ZNF385B: variants seen among roughly 807,000 people sequenced by gnomAD.
ZNF385B encodes zinc finger protein 385B.
Under a neutral mutation model 39.2 loss-of-function variants are expected in ZNF385B, and 23 were observed. That is an observed-to-expected ratio of 0.59 (90% CI 0.42 to 0.83). The LOEUF (loss-of-function observed/expected upper bound fraction) is 0.83, where lower values mean the gene tolerates loss of function less well. ZNF385B is among the 40% of genes least tolerant of loss of function. The pLI is 0.00. For synonymous variants in ZNF385B, 205 were observed against 222.6 expected, an observed-to-expected ratio of 0.92 and a Z score of 0.70; for missense variants, 552 against 598.9, an observed-to-expected ratio of 0.92 and a Z score of 0.82.
chr2:179,516,083 G>A (rs926547257), intron 5 of ZNF385B, among the ~76,000 whole-genome samples: 2 of 148,946 alleles, frequency 1.3e-5, no homozygotes, highest in African/African-American at 4.9e-5. Flanking sequence ...CATCCACATT[G>A]TAGCATGTAT....
chr2:179,851,345 T>C (rs780336510), intron 1 of ZNF385B, among the ~76,000 whole-genome samples: 4 of 152,134 alleles, frequency 2.6e-5, no homozygotes, highest in African/African-American at 7.2e-5. Flanking sequence ...AGCTACTTTG[T>C]AGGCTGAGGT....
chr2:179,642,283 T>C (rs1015941603), intron 3 of ZNF385B, among the ~76,000 whole-genome samples: 2 of 152,174 alleles, frequency 1.3e-5, no homozygotes, highest in African/African-American at 4.8e-5. Context: ...TGAAGATCTC[T>C]AGGGCATAAG....
intron 5 of ZNF385B, among the ~76,000 whole-genome samples, chr2:179,495,107 C>T (rs1201889806): frequency 6.6e-6 from 1 of 152,160 alleles, no homozygotes; most frequent in Admixed American, 6.5e-5. Flanking sequence ...ATTTCGGGAC[C>T]TGCCTTGTGC....
At chr2:179,547,225 T>C (rs1224136519) in intron 3 of ZNF385B, among the ~76,000 whole-genome samples, 1 of 149,436 alleles carries the variant, frequency 6.7e-6, no homozygotes, top group African/African-American at 2.5e-5. Flanking sequence ...TAACTTGTGA[T>C]CTCATTTGTC....
In ZNF385B at chr2:179,620,973, C is replaced by T. The variant is rs144080985; in HGVS notation, c.299-76004G>A. 3.0e-3 allele frequency among the ~76,000 whole-genome samples: 453 copies of T among 152,204 alleles called. 1 individual carries two copies. Among genetic ancestry groups the T allele is most frequent in the African/African-American group, 0.01 (434 of 41,520 alleles). On this transcript the variant is annotated intron_variant, in intron 3 of 9. Coordinates refer to ENST00000410066, the MANE Select transcript of ZNF385B (RefSeq NM_152520.6). ...AGATACTGTCCTTTATTTTCTCTGG[C>T]ACAGTGTCTTAGGCAAAGGAGATAG... is the stretch of plus-strand genomic sequence containing the variant.
intron 1 of ZNF385B, among the ~76,000 whole-genome samples, chr2:179,860,349 T>C (rs2105463003): frequency 6.6e-6 from 1 of 152,266 alleles, no homozygotes; most frequent in Non-Finnish European, 1.5e-5. Flanking sequence ...CCATAAAAAC[T>C]GTGTGTCCTC....
At chr2:179,722,186 C>G (rs987938644) in intron 3 of ZNF385B, among the ~76,000 whole-genome samples, 3 of 151,934 alleles carry the variant, frequency 2.0e-5, no homozygotes, top group African/African-American at 7.2e-5. Context: ...TTATAAAACA[C>G]ATATGAAGAT....
chr2:179,467,845 A>T (rs1475430787), intron 6 of ZNF385B, among the ~76,000 whole-genome samples: 1 of 152,158 alleles, frequency 6.6e-6, no homozygotes, highest in East Asian at 1.9e-4. Flanking sequence ...TATTCATTTT[A>T]AGTAACTTAG....
intron 5 of ZNF385B, among the ~76,000 whole-genome samples, chr2:179,511,418 A>G (rs921972724): frequency 1.3e-5 from 2 of 152,214 alleles, no homozygotes; most frequent in African/African-American, 4.8e-5. Flanking sequence ...GGAAATTGGA[A>G]TAAAATTAAA....
intron 3 of ZNF385B, among the ~76,000 whole-genome samples, chr2:179,577,347 T>C (rs916873239): frequency 6.6e-6 from 1 of 152,290 alleles, no homozygotes; most frequent in Middle Eastern, 3.4e-3. Flanking sequence ...AGAGAATACT[T>C]GATATAAAGT....
intron 5 of ZNF385B, among the ~76,000 whole-genome samples, chr2:179,508,401 A>G (rs1184755178): frequency 6.6e-6 from 1 of 152,230 alleles, no homozygotes; most frequent in African/African-American, 2.4e-5. Flanking sequence ...ATCCATACCA[A>G]GTAAAGAAGG....
chr2:179,675,322 G>A (rs894640667), intron 3 of ZNF385B, among the ~76,000 whole-genome samples: 3 of 152,158 alleles, frequency 2.0e-5, no homozygotes, highest in Non-Finnish European at 1.5e-5. Flanking sequence ...AGGAAGAGGA[G>A]GCACTGGCTT....
At chr2:179,647,383 C>T (rs1461494689) in intron 3 of ZNF385B, among the ~76,000 whole-genome samples, 1 of 152,058 alleles carries the variant, frequency 6.6e-6, no homozygotes, top group Non-Finnish European at 1.5e-5. Flanking sequence ...GTGTCCAGCC[C>T]ATTGCTACTT....
intron 4 of ZNF385B, among the ~76,000 whole-genome samples, chr2:179,531,802 C>T (rs966781304): frequency 2.0e-5 from 3 of 152,136 alleles, no homozygotes; most frequent in African/African-American, 7.2e-5. Context: ...TCACACTTAA[C>T]ATTTTAGGGC....
chr2:179,847,867 G>A (rs751210333), intron 1 of ZNF385B, among the ~76,000 whole-genome samples: 6 of 152,166 alleles, frequency 3.9e-5, no homozygotes, highest in African/African-American at 7.2e-5. Flanking sequence ...GCTGTTATTT[G>A]TTATAATCCA....
intron 1 of ZNF385B, among the ~76,000 whole-genome samples, chr2:179,799,411 T>C (rs539213233): frequency 1.3e-5 from 2 of 152,216 alleles, no homozygotes; most frequent in East Asian, 3.9e-4. Context: ...AATTAGTAGA[T>C]GAATTTTCAT....
intron 1 of ZNF385B, among the ~76,000 whole-genome samples, chr2:179,782,593 A>T (rs1477629776): frequency 6.6e-6 from 1 of 152,188 alleles, no homozygotes; most frequent in Non-Finnish European, 1.5e-5. Context: ...CCATAGTCTC[A>T]GCCAAAATCT....
chr2:179,656,879 T>C (rs1038583358), intron 3 of ZNF385B, among the ~76,000 whole-genome samples: 1 of 152,222 alleles, frequency 6.6e-6, no homozygotes, highest in Non-Finnish European at 1.5e-5. Flanking sequence ...TATACCTCTA[T>C]GTTTCTCCAA....
At chr2:179,761,319 T>C (rs903687360) in intron 3 of ZNF385B, among the ~76,000 whole-genome samples, 3 of 152,234 alleles carry the variant, frequency 2.0e-5, no homozygotes, top group African/African-American at 7.2e-5. Flanking sequence ...ATGAAAATTA[T>C]AGATCAGTTT....
Sources: gnomAD v4.1 joint callset for allele counts (sites outside exome capture counted in the v4.1 genomes callset) on GRCh38, gnomAD v4.1.1 for gene constraint, MANE v1.5 for transcripts, NCBI Gene and HGNC (gene_info 2026-07-23, HGNC 2026-07-21) for gene names.